NALF1: variants seen among roughly 807,000 people sequenced by gnomAD.
NALF1 encodes NALCN channel auxiliary factor 1, also known as family with sequence similarity 155 member A.
Under a neutral mutation model 48.4 loss-of-function variants are expected in NALF1, and 3 were observed. The ratio of observed to expected loss-of-function variants is 0.06; its 90% CI spans 0.03 to 0.16. The LOEUF (loss-of-function observed/expected upper bound fraction) is 0.16. Ranked by LOEUF, NALF1 falls within the 10% of genes least tolerant of loss-of-function variation. The pLI is 1.00. For missense variants in NALF1, 526 were observed against 571.5 expected (o/e 0.92, Z 0.81); for synonymous variants, 262 against 245.7 (o/e 1.07, Z -0.62).
chr13:107,623,735 C>G (rs1879594225), intron 1 of NALF1, among the ~76,000 whole-genome samples: 1 of 152,094 alleles, frequency 6.6e-6, no homozygotes, highest in African/African-American at 2.4e-5. Context: ...CTAAAATGGT[C>G]AGTTCATGTA....
intron 1 of NALF1, among the ~76,000 whole-genome samples, chr13:107,679,020 G>A (rs996858993): frequency 2.0e-5 from 3 of 152,108 alleles, no homozygotes; most frequent in Admixed American, 1.3e-4. Flanking sequence ...TCCTCTTTCC[G>A]TAAAAGGTCT....
At chr13:107,271,817 T>TATA (rs1197703421) in intron 1 of NALF1, among the ~76,000 whole-genome samples, 2 of 133,854 alleles carry the variant, frequency 1.5e-5, no homozygotes, top group African/African-American at 5.7e-5. Context: ...TATATATATA[T>TATA]TTATATATTT....
intron 1 of NALF1, among the ~76,000 whole-genome samples, chr13:107,634,831 C>T (rs1472654818): frequency 6.6e-6 from 1 of 152,000 alleles, no homozygotes; most frequent in Non-Finnish European, 1.5e-5. Context: ...CTATAGCACT[C>T]TACAGAGAGC....
At chr13:107,829,918 C>G (rs1879661388) in intron 1 of NALF1, among the ~76,000 whole-genome samples, 1 of 152,138 alleles carries the variant, frequency 6.6e-6, no homozygotes, top group Non-Finnish European at 1.5e-5. Context: ...CACAGTATCA[C>G]TACGTTGAAA....
In NALF1 at chr13:107,867,364, G is replaced by A. The variant is rs1880774637; in HGVS notation, c.-768C>T. ...GGCCGCCCGCGGGCGCCGCCGCCGG[G>A]GCTCCGACTGCTGACGCCGCCTCCC... On this transcript the variant is annotated 5_prime_UTR_variant, in exon 1 of 3. Transcript: ENST00000375915. This position sits in a 1 kb window ranked among gnomAD's most constrained non-coding sequence, Gnocchi z 4.4. Among the ~76,000 whole-genome samples, 12 of 144,820 alleles carry A rather than the reference G, an allele frequency of 8.3e-5. No individual in the cohort carries two copies. The South Asian group carries it at 2.6e-3, about 31-fold the overall frequency.
At chr13:107,259,078 C>T (rs1468906753) in intron 1 of NALF1, among the ~76,000 whole-genome samples, 1 of 152,126 alleles carries the variant, frequency 6.6e-6, no homozygotes, top group Admixed American at 6.5e-5. Context: ...ACGATTACAT[C>T]TCCCCTGAAC....
intron 1 of NALF1, among the ~76,000 whole-genome samples, chr13:107,840,344 T>C (rs1566502544): frequency 6.6e-6 from 1 of 152,216 alleles, no homozygotes. Context: ...ACAGTTTATT[T>C]CTTGCATTTT....
intron 1 of NALF1, among the ~76,000 whole-genome samples, chr13:107,525,656 T>C (rs974567043): frequency 5.9e-5 from 9 of 152,134 alleles, no homozygotes; most frequent in Non-Finnish European, 1.3e-4. Context: ...AGTCAGATGA[T>C]AAATTGATAT....
chr13:107,622,156 C>T (rs898902918), intron 1 of NALF1, among the ~76,000 whole-genome samples: 2 of 151,788 alleles, frequency 1.3e-5, no homozygotes, highest in African/African-American at 2.4e-5. Flanking sequence ...TGGCTGGGTA[C>T]GGTGGCTCAT....
intron 1 of NALF1, among the ~76,000 whole-genome samples, chr13:107,380,952 T>TGG (rs1883426499): frequency 6.9e-6 from 1 of 144,728 alleles, no homozygotes; most frequent in Non-Finnish European, 1.5e-5. Flanking sequence ...CACTCCAGCC[T>TGG]GTGCCACAGA....
chr13:107,570,370 C>A (rs1281285873), intron 1 of NALF1, among the ~76,000 whole-genome samples: 1 of 151,790 alleles, frequency 6.6e-6, no homozygotes, highest in Non-Finnish European at 1.5e-5. Flanking sequence ...TCTCTCTATT[C>A]CTAGTATAAT....
At chr13:107,724,269 C>T (rs376130523) in intron 1 of NALF1, among the ~76,000 whole-genome samples, 1 of 151,358 alleles carries the variant, frequency 6.6e-6, no homozygotes, top group East Asian at 1.9e-4. Context: ...TTTATTGTTC[C>T]TACTTTGAAA....
chr13:107,531,027 T>C (rs899850366), intron 1 of NALF1: 7 of 153,510 alleles, frequency 4.6e-5, no homozygotes, highest in Non-Finnish European at 8.8e-5. Flanking sequence ...CATATATATA[T>C]ATATATACAT....
chr13:107,461,010 A>T (rs956328737), intron 1 of NALF1, among the ~76,000 whole-genome samples: 2 of 152,148 alleles, frequency 1.3e-5, no homozygotes, highest in African/African-American at 4.8e-5. Flanking sequence ...ACCTAAAGCC[A>T]CCTTTAAAAT....
intron 1 of NALF1, among the ~76,000 whole-genome samples, chr13:107,232,337 G>A (rs2138826120): frequency 6.6e-6 from 1 of 152,330 alleles, no homozygotes; most frequent in African/African-American, 2.4e-5. Context: ...TTCCAGGATG[G>A]AGAGGGTCGC....
At chr13:107,285,524 A>G (rs1366250653) in intron 1 of NALF1, among the ~76,000 whole-genome samples, 1 of 152,224 alleles carries the variant, frequency 6.6e-6, no homozygotes, top group Non-Finnish European at 1.5e-5. Context: ...CACTGTGTAC[A>G]CTTGTACACC....
chr13:107,214,140 CTA>C (rs1382992946), intron 1 of NALF1, among the ~76,000 whole-genome samples: 1 of 152,102 alleles, frequency 6.6e-6, no homozygotes, highest in Non-Finnish European at 1.5e-5. Context: ...AGGAAGATTC[CTA>C]TGTTAGGAAG....
chr13:107,322,754 C>T (rs1345741246), intron 1 of NALF1, among the ~76,000 whole-genome samples: 2 of 152,112 alleles, frequency 1.3e-5, no homozygotes, highest in African/African-American at 4.8e-5. Flanking sequence ...CTTTCAAGTC[C>T]ACAATTCTGT....
intron 1 of NALF1, among the ~76,000 whole-genome samples, chr13:107,547,839 T>G (rs548452999): frequency 6.6e-6 from 1 of 152,264 alleles, no homozygotes; most frequent in East Asian, 1.9e-4. Context: ...AACAAAACAG[T>G]GTTTAAAAAA....
Sources: allele counts gnomAD v4.1 joint callset (sites outside exome capture counted in the v4.1 genomes callset), GRCh38; gene constraint gnomAD v4.1.1; non-coding constraint Gnocchi (gnomAD v3.1); transcripts MANE v1.5; gene names NCBI Gene and HGNC (gene_info 2026-07-23, HGNC 2026-07-21).